Variants in PTPRD observed in about 807,000 individuals in gnomAD.
PTPRD encodes the protein protein tyrosine phosphatase receptor type D.
In PTPRD, 34 loss-of-function variants were observed where a neutral mutation model predicts 214.5. The ratio of observed to expected loss-of-function variants is 0.16; its 90% CI spans 0.12 to 0.21. The LOEUF is 0.21. Among genes scored for constraint, PTPRD ranks in the 10% least tolerant of loss-of-function variants. PTPRD has a pLI of 1.00. For missense variants in PTPRD, 2,545 were observed against 2,398.7 expected (o/e 1.06, Z -1.27); for synonymous variants, 1,128 against 845.7 (o/e 1.33, Z -5.79).
intron 12 of PTPRD, among the ~76,000 whole-genome samples, chr9:8,653,309 G>A (rs75695155): frequency 0.025 from 3,730 of 152,222 alleles, 132 homozygotes; most frequent in African/African-American, 0.085. Flanking sequence ...AAACTACAGG[G>A]AAAGACAAAA....
At chr9:9,847,873 T>C (rs2059832356) in intron 5 of PTPRD, among the ~76,000 whole-genome samples, 1 of 152,094 alleles carries the variant, frequency 6.6e-6, no homozygotes, top group African/African-American at 2.4e-5. Flanking sequence ...GATACCTGCC[T>C]GTAGGTGATG....
chr9:9,374,462 A>G (rs1333529048), intron 9 of PTPRD, among the ~76,000 whole-genome samples: 4 of 152,178 alleles, frequency 2.6e-5, no homozygotes, highest in Non-Finnish European at 5.9e-5. Context: ...TGAGAAAATA[A>G]AAGCAGTTTT....
At chr9:8,569,747 C>T (rs1055560397) in intron 14 of PTPRD, among the ~76,000 whole-genome samples, 1 of 151,934 alleles carries the variant, frequency 6.6e-6, no homozygotes, top group African/African-American at 2.4e-5. Flanking sequence ...TTAAGAATCA[C>T]CTCTATCAAA....
At chr9:8,710,105 G>A (rs941345478) in intron 12 of PTPRD, among the ~76,000 whole-genome samples, 3 of 152,120 alleles carry the variant, frequency 2.0e-5, no homozygotes, top group East Asian at 1.9e-4. Context: ...CAAGGTGCAC[G>A]CACATCCTAA....
intron 43 of PTPRD, among the ~76,000 whole-genome samples, chr9:8,335,993 C>T (rs200137893): frequency 3.0e-4 from 46 of 151,804 alleles, no homozygotes; most frequent in East Asian, 1.9e-3. Context: ...TCCATGCTCA[C>T]GGATAGGAAG....
chr9:9,412,914 T>C (rs2075894733), intron 8 of PTPRD, among the ~76,000 whole-genome samples: 1 of 151,948 alleles, frequency 6.6e-6, no homozygotes, highest in Non-Finnish European at 1.5e-5. Flanking sequence ...TAAATCTCAC[T>C]AAGGATATTT....
intron 9 of PTPRD, among the ~76,000 whole-genome samples, chr9:9,226,482 T>A (rs2099959551): frequency 6.6e-6 from 1 of 151,804 alleles, no homozygotes; most frequent in Non-Finnish European, 1.5e-5. Flanking sequence ...GGGAATTTAG[T>A]GGGTAGTGAA....
chr9:8,750,304 C>T (rs1012804494), intron 11 of PTPRD, among the ~76,000 whole-genome samples: 4 of 151,734 alleles, frequency 2.6e-5, no homozygotes, highest in Non-Finnish European at 4.4e-5. Flanking sequence ...ACTACAGGCG[C>T]GGGCCACCAC....
chr9:10,578,720 T>C (rs1232193027), intron 2 of PTPRD, among the ~76,000 whole-genome samples: 1 of 151,898 alleles, frequency 6.6e-6, no homozygotes, highest in Non-Finnish European at 1.5e-5. Flanking sequence ...TTCATATTAG[T>C]TTTTTTTGAA....
intron 33 of PTPRD, among the ~76,000 whole-genome samples, chr9:8,452,858 T>C (rs1176762785): frequency 3.3e-5 from 5 of 152,188 alleles, no homozygotes; most frequent in African/African-American, 9.7e-5. Context: ...AAAGAGAAGT[T>C]GAGTGAAAGA....
intron 33 of PTPRD, 60 bp downstream of exon 33, chr9:8,460,351 T>C: frequency 1.3e-6 from 2 of 1,586,502 alleles, no homozygotes; most frequent in South Asian, 2.2e-5. Flanking sequence ...AGAACAATGA[T>C]CAAGTCTTCA....
At chr9:9,880,039 T>A (rs548714348) in intron 5 of PTPRD, among the ~76,000 whole-genome samples, 1 of 152,112 alleles carries the variant, frequency 6.6e-6, no homozygotes, top group Non-Finnish European at 1.5e-5. Flanking sequence ...AATCCCCACA[T>A]GTCGAGGGGG....
intron 9 of PTPRD, among the ~76,000 whole-genome samples, chr9:9,351,541 T>C (rs1329889276): frequency 6.6e-6 from 1 of 152,046 alleles, no homozygotes; most frequent in Non-Finnish European, 1.5e-5. Flanking sequence ...TGGAGGGCTT[T>C]ATTAATCAGG....
intron 9 of PTPRD, among the ~76,000 whole-genome samples, chr9:9,334,947 G>T (rs965780616): frequency 6.6e-6 from 1 of 151,932 alleles, no homozygotes; most frequent in African/African-American, 2.4e-5. Flanking sequence ...ACCTTATGAA[G>T]GTAGAGTAAT....
At chr9:9,826,737 T>A (rs536393597) in intron 5 of PTPRD, among the ~76,000 whole-genome samples, 1 of 152,132 alleles carries the variant, frequency 6.6e-6, no homozygotes, top group Admixed American at 6.6e-5. Context: ...GACTTCTTCA[T>A]GATTATGTAT....
At chr9:9,438,922 A>C (rs1331928904) in intron 8 of PTPRD, among the ~76,000 whole-genome samples, 1 of 152,192 alleles carries the variant, frequency 6.6e-6, no homozygotes, top group African/African-American at 2.4e-5. Flanking sequence ...GCTCTAGGAC[A>C]GCATTTAAAT....
At chr9:8,593,183 G>T (rs1434085705) in intron 14 of PTPRD, among the ~76,000 whole-genome samples, 1 of 152,174 alleles carries the variant, frequency 6.6e-6, no homozygotes, top group Non-Finnish European at 1.5e-5. Flanking sequence ...TCAACTGAAA[G>T]CATTTGATTG....
At chr9:10,313,099 A>G (rs2096313840) in intron 3 of PTPRD, among the ~76,000 whole-genome samples, 1 of 151,822 alleles carries the variant, frequency 6.6e-6, no homozygotes, top group Non-Finnish European at 1.5e-5. Flanking sequence ...AGCAATCTCC[A>G]TAGGCAAAAC....
At chr9:8,647,306 A>G (rs906736258) in intron 12 of PTPRD, among the ~76,000 whole-genome samples, 1 of 152,248 alleles carries the variant, frequency 6.6e-6, no homozygotes, top group African/African-American at 2.4e-5. Flanking sequence ...TATAAATTAG[A>G]AAATGTACAT....
Sources: gnomAD v4.1 joint callset for allele counts (sites outside exome capture counted in the v4.1 genomes callset) on GRCh38, gnomAD v4.1.1 for gene constraint, MANE v1.5 for transcripts, NCBI Gene and HGNC (gene_info 2026-07-23, HGNC 2026-07-21) for gene names.